Variants in SHF observed in about 807,000 individuals in gnomAD.
SHF encodes Src homology 2 domain containing F, also known as SH2 domain-containing adapter protein F.
In SHF, 30 loss-of-function variants were observed where a neutral mutation model predicts 42.4. The observed-to-expected ratio is 0.71, with a 90% confidence interval of 0.53 to 0.96. The LOEUF is 0.96. SHF is among the 40% of genes least tolerant of loss of function. The pLI, the probability that SHF is intolerant of heterozygous loss-of-function variation, is 0.00. For synonymous variants in SHF, 264 were observed against 269.9 expected (o/e 0.98, Z 0.21); for missense variants, 598 against 634.0 (o/e 0.94, Z 0.61).
At position 45,171,854 on chromosome 15, in the gene SHF, T is replaced by C. The variant is rs749194358; in HGVS notation, c.1280+29A>G. The C allele has an allele frequency of 1.9e-5, 31 of 1,605,896 alleles. No homozygotes were observed. In the East Asian group the frequency reaches 6.7e-4, roughly 35 times the overall value. On this transcript the variant is annotated intron_variant, in intron 6 of 6. Coordinates refer to ENST00000690270, the MANE Select transcript of SHF (RefSeq NM_001394037.1). Reference sequence around the variant, plus strand: ...GAGTCCCCTTCCACCCTGCTTGCTGTCCCTGAAACCACAACTGTCCCCACT... The same window carrying C: ...GAGTCCCCTTCCACCCTGCTTGCTGCCCCTGAAACCACAACTGTCCCCACT...
Position 45,173,606 on chromosome 15 carries a change from G to A in SHF, c.958C>T (p.Leu320Phe). 1 of 1,543,920 alleles carries A rather than the reference G, an allele frequency of 6.5e-7. No homozygotes were observed. The highest frequency in any genetic ancestry group is 8.7e-7 in the Non-Finnish European group (1 of 1,143,144). ...CTGTCCTCCAGGCTGGGCTCAGGGA[G>A]GGGCGAGGCTGGACCGGAGATGTCC... The part of the protein sequence containing the change: ...DRDISGPASP[L>F]PEPSLEDSSA... Residue 320 changes from leucine (L) to phenylalanine (F), a missense_variant, in exon 4 of 7, where the codon CTC becomes TTC. Around this residue, in one of 2 missense-constraint regions of SHF, gnomAD observed 439 missense variants for 524.6 expected, o/e 0.84. Coordinates refer to ENST00000690270, the MANE Select transcript of SHF (RefSeq NM_001394037.1).
intron 2 of SHF, among the ~76,000 whole-genome samples, chr15:45,197,306 A>G (rs1213262871): frequency 6.6e-6 from 1 of 151,900 alleles, no homozygotes; most frequent in African/African-American, 2.4e-5. Context: ...TATGGACTCC[A>G]TAAGAAACCT....
intron 6 of SHF, 54 bp from the exon 7 acceptor site, chr15:45,168,187 T>A: frequency 1.3e-6 from 2 of 1,482,884 alleles, no homozygotes; most frequent in Non-Finnish European, 1.8e-6. Flanking sequence ...AGCCCCCTCA[T>A]CCATCCACCC....
rs548695317 is a variant in SHF, at chr15:45,172,378, T to C, written c.989-60A>G. ...CCCTAGAGGTCCTCAGAGGTCCCTA[T>C]TGAATAGCCAGTGCCCAACCCCTAC... On this transcript the variant is annotated intron_variant, in intron 4 of 6. Coordinates refer to ENST00000690270, the MANE Select transcript of SHF (RefSeq NM_001394037.1). 12 of 1,475,080 alleles carry C rather than the reference T, an allele frequency of 8.1e-6. No homozygotes were observed. The South Asian group carries it at 1.4e-4, about 17-fold the overall frequency. The allele number at this position is 1,475,080 out of a possible 1,614,324, so 91.4% of individuals were successfully genotyped here. A position where few individuals can be genotyped will look rare whatever the true frequency, so the allele number is the denominator to read the frequency against.
chr15:45,176,861 T>C (rs1897838175), intron 2 of SHF, among the ~76,000 whole-genome samples: 1 of 152,196 alleles, frequency 6.6e-6, no homozygotes, highest in Admixed American at 6.5e-5. Context: ...GGTAGTCAGC[T>C]TCTCACTTTC....
At position 45,187,488 on chromosome 15, in the gene SHF, T is replaced by C; in HGVS notation, c.464A>G (p.Glu155Gly). 2 of 1,232,524 alleles carry C rather than the reference T, an allele frequency of 1.6e-6. No homozygotes were observed. The highest frequency in any genetic ancestry group is 2.0e-6 in the Non-Finnish European group (2 of 988,194). 76.3% of individuals were successfully genotyped at this position (1,232,524 alleles called of 1,614,324 possible). A position where few individuals can be genotyped will look rare whatever the true frequency, so the allele number is the denominator to read the frequency against. Residue 155 changes from glutamate to glycine, a missense_variant, in exon 1 of 7, where the codon GAG becomes GGG. Transcript: ENST00000690270. Reference protein sequence around the residue: ...TPGPPAPPADERISGPPASSD... With the variant: ...TPGPPAPPADGRISGPPASSD... Reference sequence around the variant, plus strand: ...GCTGGCGGGGGGTCCGGAGATCCGCTCATCAGCAGGCGGCGCCGGGGGCCC... The same window carrying C: ...GCTGGCGGGGGGTCCGGAGATCCGCCCATCAGCAGGCGGCGCCGGGGGCCC...
Position 45,173,627 on chromosome 15 carries a change from T to C in SHF, c.937A>G (p.Ile313Val). 1.3e-6 allele frequency: 2 copies of C among 1,550,772 alleles called. No individual in the cohort carries two copies. Among genetic ancestry groups the C allele is most frequent in the South Asian group, 2.4e-5 (2 of 83,976 alleles). ...SPSLPDGDRD[I>V]SGPASPLPEP... is the part of the protein sequence containing the mutation. ...GGGAGGGGCGAGGCTGGACCGGAGATGTCCCTGTCCCCATCAGGCAGGGAG... is the reference window on the plus strand; with the variant it reads ...GGGAGGGGCGAGGCTGGACCGGAGACGTCCCTGTCCCCATCAGGCAGGGAG... The change falls in exon 4 of 7, where the codon ATC becomes GTC. Residue 313 changes from isoleucine (I) to valine (V), a missense_variant. Around this residue, in one of 2 missense-constraint regions of SHF, gnomAD observed 439 missense variants for 524.6 expected, o/e 0.84. Coordinates refer to ENST00000690270, the MANE Select transcript of SHF (RefSeq NM_001394037.1).
upstream of SHF, chr15:45,188,038 G>T (rs900483172): frequency 9.5e-5 from 38 of 401,624 alleles, no homozygotes; most frequent in African/African-American, 7.3e-4. Flanking sequence ...TCCGCCGGGC[G>T]GGGAGGGGGC....
chr15:45,198,626 C>G, intron 2 of SHF: 1 of 1,020,348 alleles, frequency 9.8e-7, no homozygotes, highest in Non-Finnish European at 1.4e-6. Context: ...CGGATTCGAA[C>G]CGAGGTTGCT....
At position 45,198,898 on chromosome 15, in the gene SHF, GT is replaced by G. The variant is rs762604218; in HGVS notation, c.176del (p.His59ProfsTer44). 1.5e-4 allele frequency: 242 copies of G among 1,614,014 alleles called. No individual in the cohort carries two copies. Among genetic ancestry groups the G allele is most frequent in the Non-Finnish European group, 2.0e-4 (233 of 1,179,866 alleles). ...GTGGTGATGATGAGATGGGCTCCCG[GT>G]GAGCGCAGTGGGAGTTTAGGGGAGA... On this transcript the variant is annotated frameshift_variant, in exon 2 of 8. Coordinates refer to the SHF transcript ENST00000290894. LOFTEE classifies it high-confidence loss of function.
upstream of SHF, among the ~76,000 whole-genome samples, chr15:45,188,449 T>TA (rs1328705642): frequency 6.6e-6 from 1 of 152,150 alleles, no homozygotes; most frequent in Non-Finnish European, 1.5e-5. Flanking sequence ...GATGTGTCTG[T>TA]AAGCCTCCTC....
chr15:45,189,258 A>T (rs1898631874), upstream of SHF, among the ~76,000 whole-genome samples: 1 of 151,670 alleles, frequency 6.6e-6, no homozygotes, highest in African/African-American at 2.4e-5. Context: ...CTCACCATAA[A>T]TGTAGGCCTG....
Position 45,168,035 on chromosome 15 carries a change from A to G in SHF, c.1379T>C (p.Ile460Thr), listed in dbSNP as rs765671209. The change falls in exon 7 of 7, where the codon ATT becomes ACT. Residue 460 changes from isoleucine to threonine, a missense_variant. Around this residue, in one of 2 missense-constraint regions of SHF, gnomAD observed 439 missense variants for 524.6 expected, o/e 0.84. Coordinates refer to ENST00000690270, the MANE Select transcript of SHF (RefSeq NM_001394037.1). ...CTTGCGGCTGGCATAGTGGTGCACA[A>G]TTTCAGGGACGCTGCTGAAGGGCGG... is the stretch of plus-strand genomic sequence containing the variant. ...NSPPFSSVPEIVHHYASRKLP... is the reference protein window; with the variant it reads ...NSPPFSSVPETVHHYASRKLP... 6.2e-7 allele frequency: 1 copy of G among 1,613,686 alleles called. No homozygotes were observed. The highest frequency in any genetic ancestry group is 8.5e-7 in the Non-Finnish European group (1 of 1,179,738).
Position 45,187,553 on chromosome 15 carries a change from G to A in SHF, c.399C>T (p.His133=), listed in dbSNP as rs1043442860. The stretch of plus-strand genomic sequence containing the variant: ...GAATAAGGCGGTGTGGGGGAGAGCC[G>A]TGGCGCGGGGGCGGCGTGGGTCCGG... The part of the protein sequence containing the change: ...VAPGPTPPPR[H]GSPPHRLIRV... Residue 133 remains histidine (H), a synonymous_variant, in exon 1 of 7, where the codon CAC becomes CAT. Transcript: ENST00000690270. 1 of 1,228,718 alleles carries A rather than the reference G, an allele frequency of 8.1e-7. No individual in the cohort carries two copies. Among genetic ancestry groups the A allele is most frequent in the East Asian group, 3.2e-5 (1 of 31,596 alleles). 76.1% of individuals were successfully genotyped at this position (1,228,718 alleles called of 1,614,324 possible). A position where few individuals can be genotyped will look rare whatever the true frequency, so the allele number is the denominator to read the frequency against.
chr15:45,184,462 G>A (rs1420538536), intron 1 of SHF, among the ~76,000 whole-genome samples: 3 of 152,132 alleles, frequency 2.0e-5, no homozygotes, highest in Admixed American at 6.5e-5. Context: ...AATTTCTGGC[G>A]GTTCATGAAG....
At chr15:45,191,168 G>A (rs1322125272), upstream of SHF, among the ~76,000 whole-genome samples, 2 of 152,098 alleles carry the variant, frequency 1.3e-5, no homozygotes, top group Non-Finnish European at 2.9e-5. Context: ...GGGCTCAAAC[G>A]ATTCTCCTAC....
At position 45,172,019 on chromosome 15, in the gene SHF, G is replaced by A. The variant is rs1897517219; in HGVS notation, c.1161-17C>T. 2 of 1,613,768 alleles carry A rather than the reference G, an allele frequency of 1.2e-6. No homozygotes were observed. Among genetic ancestry groups the A allele is most frequent in the Non-Finnish European group, 1.7e-6 (2 of 1,179,856 alleles). ...TGATACCAGCTAAGGATGAGAGAGA[G>A]GAAGGGGGGCATCTCTGCTGGGTCC... On this transcript the variant is annotated splice_polypyrimidine_tract_variant and intron_variant, in intron 5 of 6. Transcript: ENST00000690270.
chr15:45,188,786 A>G (rs1384455992), upstream of SHF, among the ~76,000 whole-genome samples: 1 of 152,256 alleles, frequency 6.6e-6, no homozygotes, highest in African/African-American at 2.4e-5. Context: ...ACAGAATGGA[A>G]ACAGACAAGT....
intron 2 of SHF, among the ~76,000 whole-genome samples, chr15:45,175,888 G>A (rs948490408): frequency 1.8e-4 from 27 of 148,738 alleles, no homozygotes; most frequent in Non-Finnish European, 3.4e-4. Flanking sequence ...GCACGATCTC[G>A]GCTCACTACA....
Sources: allele counts gnomAD v4.1 joint callset (sites outside exome capture counted in the v4.1 genomes callset), GRCh38; gene constraint gnomAD v4.1.1; regional missense constraint gnomAD v4.1.1; transcripts MANE v1.5; gene names NCBI Gene and HGNC (gene_info 2026-07-23, HGNC 2026-07-21).